FMN1: variants seen among roughly 807,000 people sequenced by gnomAD.
FMN1 encodes the protein formin-1.
A neutral mutation model predicts 132.4 loss-of-function variants in FMN1; 110 were observed. The observed-to-expected ratio is 0.83, with a 90% CI of 0.71 to 0.97. The LOEUF (loss-of-function observed/expected upper bound fraction) is 0.97, where lower values mean the gene tolerates loss of function less well. Among genes scored for constraint, FMN1 ranks in the 50% least tolerant of loss-of-function variants. The pLI is 0.00. For missense variants in FMN1, 1,792 were observed against 1,705.3 expected, an observed-to-expected ratio of 1.05 and a Z score of -0.90; for synonymous variants, 722 against 651.7, an observed-to-expected ratio of 1.11 and a Z score of -1.64.
intron 10 of FMN1, among the ~76,000 whole-genome samples, chr15:32,913,035 A>G (rs1483537663): frequency 2.0e-5 from 3 of 152,186 alleles, no homozygotes; most frequent in Admixed American, 6.5e-5. Flanking sequence ...TTAGAGAAAG[A>G]AAACTACAAC....
intron 10 of FMN1, among the ~76,000 whole-genome samples, chr15:32,917,540 T>C (rs1183403728): frequency 6.6e-6 from 1 of 152,212 alleles, no homozygotes; most frequent in African/African-American, 2.4e-5. Flanking sequence ...GTACCAGGCA[T>C]TGTTCTAAGT....
rs539245532 is a variant in FMN1 at position 32,960,995 on chromosome 15, C to CAAAAAA, written c.3138+3106_3138+3111dup. The stretch of plus-strand genomic sequence containing the variant: ...AGATGACAAGAGTGAGACTCCGTCT[C>CAAAAAA]AAAAAAAAAAAAAAAAAAAAAAAAG... On this transcript the variant is annotated intron_variant, in intron 9 of 20. Coordinates refer to ENST00000616417, the MANE Select transcript of FMN1 (RefSeq NM_001277313.2). Among the ~76,000 whole-genome samples the CAAAAAA allele has an allele frequency of 8.3e-4, 49 of 59,098 alleles. 1 individual carries two copies. The highest frequency in any genetic ancestry group is 4.4e-3 in the African/African-American group (49 of 11,232). The allele number at this position is 59,098 out of a possible 152,430, so 38.8% of individuals were successfully genotyped here.
Position 32,810,523 on chromosome 15 carries a change from T to C in FMN1, c.3929-6191A>G, listed in dbSNP as rs1390749714. 2.0e-5 allele frequency among the ~76,000 whole-genome samples: 3 copies of C among 152,194 alleles called. No individual in the cohort carries two copies. The East Asian group carries it at 5.8e-4, about 29-fold the overall frequency. On this transcript the variant is annotated intron_variant, in intron 17 of 20. Transcript: ENST00000616417. The stretch of plus-strand genomic sequence containing the variant: ...CAGATTGAGTCTTTAAAATATACTA[T>C]TTTCCACAGTTAACTTTGAAAAAGA...
At chr15:33,066,807 C>T (rs2037751404) in intron 5 of FMN1, 1 of 1,613,802 alleles carries the variant, frequency 6.2e-7, no homozygotes, top group Non-Finnish European at 8.5e-7. Flanking sequence ...GGGTCTGCTC[C>T]CTTCGGTTCA....
At chr15:33,158,703 A>C (rs1964775311) in intron 3 of FMN1, among the ~76,000 whole-genome samples, 1 of 152,226 alleles carries the variant, frequency 6.6e-6, no homozygotes, top group South Asian at 2.1e-4. Flanking sequence ...GGAGCCAATG[A>C]AGAATCCTAA....
chr15:33,119,836 C>T (rs186602026), intron 4 of FMN1, among the ~76,000 whole-genome samples: 21 of 152,244 alleles, frequency 1.4e-4, no homozygotes, highest in Admixed American at 1.4e-3. Flanking sequence ...CATAAAATGA[C>T]CTCCCCATCA....
At chr15:33,085,383 G>A (rs1313891620) in intron 5 of FMN1, among the ~76,000 whole-genome samples, 1 of 151,802 alleles carries the variant, frequency 6.6e-6, no homozygotes, top group Non-Finnish European at 1.5e-5. Context: ...GAAACACAGG[G>A]CCCAAACTAT....
intron 4 of FMN1, among the ~76,000 whole-genome samples, chr15:33,125,581 T>C (rs543873462): frequency 6.6e-6 from 1 of 152,314 alleles, no homozygotes; most frequent in South Asian, 2.1e-4. Flanking sequence ...GTCTCACACC[T>C]GTAATCCCAG....
At chr15:32,988,049 G>GTTTTTTTTTT (rs10573409) in intron 7 of FMN1, among the ~76,000 whole-genome samples, 9 of 118,164 alleles carry the variant, frequency 7.6e-5, no homozygotes, top group East Asian at 2.6e-4. Context: ...TGTCTCTCCA[G>GTTTTTTTTTT]TTTTTTTTTT....
Position 33,191,034 on chromosome 15 carries a change from G to T in FMN1, c.-197+2875C>A, listed in dbSNP as rs1350704280. ...AAATACAAAAAATTAGCCAGGCGTG[G>T]TGGTGGGCACCTGTAGACCCAGCTA... On this transcript the variant is annotated intron_variant, in intron 2 of 20. Transcript: ENST00000616417. 2.6e-5 allele frequency among the ~76,000 whole-genome samples: 4 copies of T among 152,276 alleles called. No individual in the cohort carries two copies. The South Asian group carries it at 6.2e-4, about 24-fold the overall frequency.
chr15:32,903,102 T>G (rs957255541), intron 12 of FMN1, among the ~76,000 whole-genome samples: 24 of 152,232 alleles, frequency 1.6e-4, no homozygotes, highest in Admixed American at 1.0e-3. Flanking sequence ...TAGGGAGATT[T>G]GGGTTTTAAT....
intron 7 of FMN1, among the ~76,000 whole-genome samples, chr15:33,000,451 G>GAA (rs35351686): frequency 0.77 from 88,689 of 115,218 alleles, 36,239 homozygotes; most frequent in East Asian, 0.91. Context: ...TCCATCTCAG[G>GAA]AAAAAAAAAA....
At chr15:32,838,298 G>A (rs1290464164) in intron 17 of FMN1, among the ~76,000 whole-genome samples, 2 of 152,142 alleles carry the variant, frequency 1.3e-5, no homozygotes, top group African/African-American at 2.4e-5. Flanking sequence ...AATCGGAGAG[G>A]TGAGGCCAAT....
At chr15:32,995,062 A>C (rs1345231331) in intron 7 of FMN1, among the ~76,000 whole-genome samples, 1 of 152,140 alleles carries the variant, frequency 6.6e-6, no homozygotes, top group Non-Finnish European at 1.5e-5. Flanking sequence ...AATGACTCCT[A>C]AAGTAATTGT....
intron 6 of FMN1, among the ~76,000 whole-genome samples, chr15:33,014,121 AAGG>A (rs1347666325): frequency 6.6e-6 from 1 of 152,222 alleles, no homozygotes; most frequent in East Asian, 1.9e-4. Flanking sequence ...CAGCATGTAG[AAGG>A]AGGAAGCTAA....
chr15:33,082,053 G>GTGTGTGTGTGT (rs540217494), intron 5 of FMN1, among the ~76,000 whole-genome samples: 2 of 134,468 alleles, frequency 1.5e-5, no homozygotes, highest in African/African-American at 5.4e-5. Context: ...GTGTGTGTGT[G>GTGTGTGTGTGT]TAAGACGGAG....
At chr15:33,178,316 C>T (rs1311234881) in intron 3 of FMN1, among the ~76,000 whole-genome samples, 1 of 152,060 alleles carries the variant, frequency 6.6e-6, no homozygotes, top group East Asian at 1.9e-4. Flanking sequence ...TAACATGTAC[C>T]ATCTGAGGAG....
intron 4 of FMN1, among the ~76,000 whole-genome samples, chr15:33,100,855 T>C (rs972526706): frequency 1.3e-5 from 2 of 152,198 alleles, no homozygotes; most frequent in African/African-American, 2.4e-5. Context: ...GATTGTGATA[T>C]AGTCATTACT....
In FMN1 at chr15:33,112,615, T is replaced by C. The variant is rs562492018; in HGVS notation, c.1868-23641A>G. 2.0e-5 allele frequency among the ~76,000 whole-genome samples: 3 copies of C among 152,180 alleles called. No individual in the cohort carries two copies. The South Asian group carries it at 6.2e-4, about 32-fold the overall frequency. On this transcript the variant is annotated intron_variant, in intron 4 of 20. Coordinates refer to ENST00000616417, the MANE Select transcript of FMN1 (RefSeq NM_001277313.2). Reference sequence around the variant, plus strand: ...TCCAAAGATATTAGAGGCAAGAAGGTGGTTACAAAAATTCCAGCTCATCAA... The same window carrying C: ...TCCAAAGATATTAGAGGCAAGAAGGCGGTTACAAAAATTCCAGCTCATCAA...
Sources: allele counts gnomAD v4.1 joint callset (sites outside exome capture counted in the v4.1 genomes callset), GRCh38; gene constraint gnomAD v4.1.1; transcripts MANE v1.5; gene names NCBI Gene and HGNC (gene_info 2026-07-23, HGNC 2026-07-21).